Variants in ZDHHC15 observed in about 807,000 individuals in gnomAD.
ZDHHC15 encodes zDHHC palmitoyltransferase 15, also known as palmitoyltransferase ZDHHC15.
In ZDHHC15, 19 loss-of-function variants were observed where a neutral mutation model predicts 31.7. The ratio of observed to expected loss-of-function variants is 0.60; its 90% CI spans 0.42 to 0.88. The LOEUF is 0.88. Ranked by LOEUF, ZDHHC15 falls within the 40% of genes least tolerant of loss-of-function variation. The pLI, the probability that ZDHHC15 is intolerant of heterozygous loss-of-function variation, is 0.00. For missense variants in ZDHHC15, 209 were observed against 251.2 expected (o/e 0.83, Z 1.14); for synonymous variants, 103 against 90.0 (o/e 1.14, Z -0.82).
intron 1 of ZDHHC15, among the ~76,000 whole-genome samples, chrX:75,520,065 A>G (rs1032595196): frequency 8.9e-6 from 1 of 112,089 alleles, no homozygotes; most frequent in Non-Finnish European, 1.9e-5. Flanking sequence ...GCCATTTACT[A>G]GCTCTGTGAC....
intron 1 of ZDHHC15, among the ~76,000 whole-genome samples, chrX:75,514,578 C>T (rs1027039220): frequency 2.3e-4 from 26 of 111,701 alleles, no homozygotes; most frequent in Admixed American, 7.6e-4. Flanking sequence ...TGAGCCGAAG[C>T]GGGGCGGGGC....
At chrX:75,455,319 A>G (rs761357953) in intron 3 of ZDHHC15, among the ~76,000 whole-genome samples, 1 of 112,021 alleles carries the variant, frequency 8.9e-6, no homozygotes, top group Non-Finnish European at 1.9e-5. Flanking sequence ...AGCCATATGT[A>G]GAAAGCTGAA....
intron 2 of ZDHHC15, among the ~76,000 whole-genome samples, chrX:75,495,651 A>G (rs1380157709): frequency 9.1e-6 from 1 of 110,020 alleles, no homozygotes; most frequent in Non-Finnish European, 1.9e-5. Context: ...TGAAACTGTA[A>G]AAGATCATTC....
chrX:75,456,605 T>A (rs985616882), intron 3 of ZDHHC15, among the ~76,000 whole-genome samples: 1 of 110,578 alleles, frequency 9.0e-6, no homozygotes, highest in Non-Finnish European at 1.9e-5. Flanking sequence ...TTGGTGGGAG[T>A]GTAAATTAGT....
intron 11 of ZDHHC15, among the ~76,000 whole-genome samples, chrX:75,378,336 C>A (rs2083080297): frequency 8.9e-6 from 1 of 111,993 alleles, no homozygotes; most frequent in Non-Finnish European, 1.9e-5. Context: ...ATCAAGTACA[C>A]ACCAAAGTGG....
chrX:75,444,255 T>G lies in ZDHHC15; in HGVS notation c.379+6547A>C, dbSNP rs1396747165. Among the ~76,000 whole-genome samples, 3 of 110,090 alleles carry G rather than the reference T, an allele frequency of 2.7e-5. No homozygotes were observed. In the East Asian group the frequency reaches 8.7e-4, roughly 32 times the overall value. ...AATGATAGACTGGATTAAGAAAATG[T>G]GGCACATATACACCATGGAATACTA... is the stretch of plus-strand genomic sequence containing the variant. On this transcript the variant is annotated intron_variant, in intron 4 of 11. Transcript: ENST00000373367.
At position 75,370,088 on chromosome X, in the gene ZDHHC15, G is replaced by C. The variant is rs762870251; in HGVS notation, c.*2890C>G. On this transcript the variant is annotated 3_prime_UTR_variant, in exon 12 of 12. Coordinates refer to ENST00000373367, the MANE Select transcript of ZDHHC15 (RefSeq NM_144969.3). ...CAATGAGAGCATGGACAAAAGAATGGAGTACATTATTTTGCTTAGAAATAC... is the reference window on the plus strand; with the variant it reads ...CAATGAGAGCATGGACAAAAGAATGCAGTACATTATTTTGCTTAGAAATAC... 1 of 111,906 alleles carries C rather than the reference G, an allele frequency of 8.9e-6. No individual in the cohort carries two copies. Among genetic ancestry groups the C allele is most frequent in the Admixed American group, 9.5e-5 (1 of 10,529 alleles). 9.2% of individuals were successfully genotyped at this position (111,906 alleles called of 1,213,427 possible).
chrX:75,439,797 T>C (rs1034420213), intron 4 of ZDHHC15, among the ~76,000 whole-genome samples: 1 of 111,631 alleles, frequency 9.0e-6, no homozygotes, highest in Non-Finnish European at 1.9e-5. Flanking sequence ...GGGTAGACTA[T>C]GTCAGAGGAA....
At chrX:75,407,979 G>A (rs935155733) in intron 10 of ZDHHC15, among the ~76,000 whole-genome samples, 1 of 110,763 alleles carries the variant, frequency 9.0e-6, no homozygotes, top group African/African-American at 3.3e-5. Flanking sequence ...GGCGGTGCAA[G>A]ATGTGCTTTG....
At chrX:75,491,726 C>G (rs960418624) in intron 2 of ZDHHC15, among the ~76,000 whole-genome samples, 7 of 111,150 alleles carry the variant, frequency 6.3e-5, no homozygotes, top group African/African-American at 2.3e-4. Flanking sequence ...AAATCCTTTA[C>G]AGACAAGCAA....
At chrX:75,392,739 TGAA>T (rs1292684880) in intron 10 of ZDHHC15, among the ~76,000 whole-genome samples, 1 of 111,986 alleles carries the variant, frequency 8.9e-6, no homozygotes, top group African/African-American at 3.2e-5. Context: ...GGAAATAAAA[TGAA>T]GATATTTTCT....
chrX:75,476,242 A>T (rs995339627), intron 3 of ZDHHC15, among the ~76,000 whole-genome samples: 1 of 109,718 alleles, frequency 9.1e-6, no homozygotes, highest in African/African-American at 3.4e-5. Context: ...GCCAGAGGAA[A>T]TGTTTCTTAT....
chrX:75,389,555 G>C (rs1042128543), intron 10 of ZDHHC15, among the ~76,000 whole-genome samples: 1 of 109,749 alleles, frequency 9.1e-6, no homozygotes, highest in African/African-American at 3.3e-5. Flanking sequence ...GAGTCCTGAG[G>C]CCTCAATTTT....
At chrX:75,378,988 T>C in intron 11 of ZDHHC15, 132 bp downstream of exon 11, 1 of 461,042 alleles carries the variant, frequency 2.2e-6, no homozygotes, top group Non-Finnish European at 3.6e-6. Flanking sequence ...TGCTTATGCA[T>C]GCATTACAAG....
At chrX:75,393,198 G>C (rs2083265144) in intron 10 of ZDHHC15, among the ~76,000 whole-genome samples, 1 of 111,250 alleles carries the variant, frequency 9.0e-6, no homozygotes, top group Non-Finnish European at 1.9e-5. Flanking sequence ...TTAGCCTGTT[G>C]ACTTAAAGGT....
chrX:75,405,654 T>G (rs775003764), intron 10 of ZDHHC15, among the ~76,000 whole-genome samples: 4 of 112,060 alleles, frequency 3.6e-5, no homozygotes, highest in Non-Finnish European at 5.6e-5. Flanking sequence ...ACAGGAGTAC[T>G]GAAGTATATA....
chrX:75,504,008 A>C (rs2085122939), intron 2 of ZDHHC15, among the ~76,000 whole-genome samples: 1 of 111,270 alleles, frequency 9.0e-6, no homozygotes, highest in African/African-American at 3.3e-5. Context: ...CTGTGTATCC[A>C]AATTTCCCTC....
intron 2 of ZDHHC15, among the ~76,000 whole-genome samples, chrX:75,494,658 A>G (rs2084959953): frequency 8.9e-6 from 1 of 112,293 alleles, no homozygotes; most frequent in East Asian, 2.8e-4. Context: ...TCTTTGACAA[A>G]CCTGACAAAA....
Position 75,498,462 on chromosome X carries a change from T to C in ZDHHC15, c.163+7359A>G, listed in dbSNP as rs1380834646. ...GTAGTGTCTGGATATAAAATCAGTG[T>C]ACATAAATCAGTAGCACTGCTATAC... is the stretch of plus-strand genomic sequence containing the variant. On this transcript the variant is annotated intron_variant, in intron 2 of 11. Coordinates refer to ENST00000373367, the MANE Select transcript of ZDHHC15 (RefSeq NM_144969.3). Among the ~76,000 whole-genome samples, 3 of 111,731 alleles carry C rather than the reference T, an allele frequency of 2.7e-5. No homozygotes were observed. In the Admixed American group the frequency reaches 2.9e-4, roughly 11 times the overall value.
Sources: allele counts gnomAD v4.1 joint callset (sites outside exome capture counted in the v4.1 genomes callset), GRCh38; gene constraint gnomAD v4.1.1; transcripts MANE v1.5; gene names NCBI Gene and HGNC (gene_info 2026-07-23, HGNC 2026-07-21).